The following PPM1E variants were observed in gnomAD, a reference collection of about 807,000 sequenced individuals.
PPM1E encodes the protein protein phosphatase, Mg2+/Mn2+ dependent 1E.
A neutral mutation model predicts 65.9 loss-of-function variants in PPM1E; 20 were observed. That is an observed-to-expected ratio of 0.30 (90% confidence interval 0.21 to 0.44). PPM1E has a LOEUF of 0.44. Ranked by LOEUF, PPM1E falls within the 20% of genes least tolerant of loss-of-function variation. The pLI, the probability that PPM1E is intolerant of heterozygous loss-of-function variation, is 1.00. For synonymous variants in PPM1E, 352 were observed against 374.9 expected (o/e 0.94, Z 0.70); for missense variants, 713 against 953.1 (o/e 0.75, Z 3.32).
chr17:58,866,410 G>C (rs1266823523), intron 1 of PPM1E, among the ~76,000 whole-genome samples: 3 of 152,174 alleles, frequency 2.0e-5, no homozygotes, highest in Non-Finnish European at 4.4e-5. Context: ...CTTGCTGCAA[G>C]GACGTTCCCC....
At chr17:58,894,830 T>G (rs2051393113) in intron 1 of PPM1E, among the ~76,000 whole-genome samples, 1 of 152,226 alleles carries the variant, frequency 6.6e-6, no homozygotes, top group Non-Finnish European at 1.5e-5. Flanking sequence ...TTCGAGTTGA[T>G]GTATTTAGCT....
intron 1 of PPM1E, among the ~76,000 whole-genome samples, chr17:58,767,138 C>T (rs2049888453): frequency 6.6e-6 from 1 of 152,186 alleles, no homozygotes; most frequent in South Asian, 2.1e-4. Flanking sequence ...AACAATTGTA[C>T]AAGTATGAAT....
intron 1 of PPM1E, among the ~76,000 whole-genome samples, chr17:58,943,013 ACT>A (rs1368038966): frequency 1.3e-5 from 2 of 151,848 alleles, no homozygotes; most frequent in Non-Finnish European, 2.9e-5. Flanking sequence ...ACAGAGTAAC[ACT>A]CTGTCTCTAA....
chr17:58,934,926 CA>C (rs71145506), intron 1 of PPM1E, among the ~76,000 whole-genome samples: 29 of 140,068 alleles, frequency 2.1e-4, no homozygotes, highest in East Asian at 1.5e-3. Context: ...GACTCCGTCT[CA>C]AAAAAAAAAA....
intron 1 of PPM1E, among the ~76,000 whole-genome samples, chr17:58,832,844 T>A (rs1295027658): frequency 6.7e-6 from 1 of 148,684 alleles, no homozygotes; most frequent in Non-Finnish European, 1.5e-5. Flanking sequence ...AGATGGAGCC[T>A]CGCTCTGTTA....
chr17:58,937,783 G>A (rs1161872511), intron 1 of PPM1E, among the ~76,000 whole-genome samples: 26 of 147,880 alleles, frequency 1.8e-4, no homozygotes, highest in Non-Finnish European at 3.6e-4. Context: ...AGGAGGCTGA[G>A]GCAGGAGAAT....
Position 58,980,984 on chromosome 17 carries a change from CATG to C in PPM1E, c.2224_2226del (p.Asp742del), listed in dbSNP as rs1357591298. On this transcript the variant is annotated inframe_deletion, in exon 7 of 7. Coordinates refer to ENST00000308249, the MANE Select transcript of PPM1E (RefSeq NM_014906.5). The surrounding 1 kb of genome is among the most constrained non-coding windows in gnomAD (Gnocchi z 4.7). ...AAACATGAGGAAGCTCAGAAAGACTCATGATATTCCATGCCCAGATCTTCCTTG... is the reference window on the plus strand; with the variant it reads ...AAACATGAGGAAGCTCAGAAAGACTCATATTCCATGCCCAGATCTTCCTTG... 6.2e-7 allele frequency: 1 copy of C among 1,613,566 alleles called. No homozygotes were observed. Among genetic ancestry groups the C allele is most frequent in the African/African-American group, 1.3e-5 (1 of 74,996 alleles).
intron 1 of PPM1E, among the ~76,000 whole-genome samples, chr17:58,839,287 AGTT>A (rs1386830943): frequency 6.6e-6 from 1 of 152,102 alleles, no homozygotes; most frequent in Non-Finnish European, 1.5e-5. Context: ...TTGGGACTTG[AGTT>A]CAAGTCCAGC....
At position 58,822,086 on chromosome 17, in the gene PPM1E, A is replaced by G. The variant is rs181602073; in HGVS notation, c.464+65625A>G. Among the ~76,000 whole-genome samples, 3 of 152,338 alleles carry G rather than the reference A, an allele frequency of 2.0e-5. No homozygotes were observed. In the East Asian group the frequency reaches 5.8e-4, roughly 29 times the overall value. On this transcript the variant is annotated intron_variant, in intron 1 of 6. Coordinates refer to ENST00000308249, the MANE Select transcript of PPM1E (RefSeq NM_014906.5). ...AGCTTCAGGAAGGAATCTGGCAGGAAGAAGACCAAGATAGCCCAGAGAGTG... is the reference window on the plus strand; with the variant it reads ...AGCTTCAGGAAGGAATCTGGCAGGAGGAAGACCAAGATAGCCCAGAGAGTG...
At chr17:58,959,373 G>A (rs1435255871) in intron 2 of PPM1E, among the ~76,000 whole-genome samples, 2 of 151,058 alleles carry the variant, frequency 1.3e-5, no homozygotes, top group Non-Finnish European at 2.9e-5. Flanking sequence ...GCTGAGGCGG[G>A]CGGATACCGA....
At chr17:58,766,196 GTTTTTTTTTT>G (rs10604459) in intron 1 of PPM1E, among the ~76,000 whole-genome samples, 2 of 65,134 alleles carry the variant, frequency 3.1e-5, no homozygotes, top group Non-Finnish European at 5.7e-5. Flanking sequence ...TGTAATTTCT[GTTTTTTTTTT>G]TTTTTTTTTT....
intron 1 of PPM1E, among the ~76,000 whole-genome samples, chr17:58,955,112 C>T (rs2029867488): frequency 1.3e-5 from 2 of 152,094 alleles, no homozygotes; most frequent in South Asian, 2.1e-4. Context: ...TGCCTGTAAT[C>T]CCAGCACTTT....
At chr17:58,919,808 AAGAT>A (rs1321363583) in intron 1 of PPM1E, among the ~76,000 whole-genome samples, 1 of 152,140 alleles carries the variant, frequency 6.6e-6, no homozygotes, top group African/African-American at 2.4e-5. Context: ...AGGAAAAAAA[AAGAT>A]AGAGAGTTCT....
chr17:58,812,507 A>G (rs2050378792), intron 1 of PPM1E, among the ~76,000 whole-genome samples: 1 of 151,962 alleles, frequency 6.6e-6, no homozygotes, highest in South Asian at 2.1e-4. Flanking sequence ...ACTTTCTTAC[A>G]TTGTTTGAGG....
At chr17:58,767,504 C>T (rs1048107312) in intron 1 of PPM1E, among the ~76,000 whole-genome samples, 2 of 152,198 alleles carry the variant, frequency 1.3e-5, no homozygotes, top group African/African-American at 4.8e-5. Context: ...TTAGCTCAGG[C>T]TTTTATCACT....
chr17:58,909,781 G>GGGTTTT (rs2051601614), intron 1 of PPM1E, among the ~76,000 whole-genome samples: 1 of 151,568 alleles, frequency 6.6e-6, no homozygotes, highest in Non-Finnish European at 1.5e-5. Context: ...CCTAGGTACA[G>GGGTTTT]GGTTTTTGTT....
chr17:58,842,886 C>T (rs2050733609), intron 1 of PPM1E, among the ~76,000 whole-genome samples: 1 of 151,896 alleles, frequency 6.6e-6, no homozygotes, highest in East Asian at 1.9e-4. Flanking sequence ...TGCAGTGAGC[C>T]AAGATCGTGC....
intron 6 of PPM1E, among the ~76,000 whole-genome samples, chr17:58,976,976 A>G (rs932458205): frequency 2.0e-5 from 3 of 152,204 alleles, no homozygotes; most frequent in Admixed American, 2.0e-4. Flanking sequence ...ACTGAATCCC[A>G]TATTGGATTT....
intron 1 of PPM1E, among the ~76,000 whole-genome samples, chr17:58,838,468 A>G (rs967294106): frequency 2.0e-5 from 3 of 152,232 alleles, no homozygotes; most frequent in African/African-American, 7.2e-5. Flanking sequence ...AGGTTAAAAC[A>G]ATGAGATACC....
Sources: gnomAD v4.1 joint callset for allele counts (sites outside exome capture counted in the v4.1 genomes callset) on GRCh38, gnomAD v4.1.1 for gene constraint, Gnocchi (gnomAD v3.1) non-coding constraint, MANE v1.5 for transcripts, NCBI Gene and HGNC (gene_info 2026-07-23, HGNC 2026-07-21) for gene names.